ELMOD3: variants seen among roughly 807,000 people sequenced by gnomAD.
ELMOD3 encodes the protein ELMO domain-containing protein 3.
Under a neutral mutation model 47.4 loss-of-function variants are expected in ELMOD3, and 36 were observed. The ratio of observed to expected loss-of-function variants is 0.76; its 90% CI spans 0.58 to 1.00. ELMOD3 has a LOEUF of 1.00. Among genes scored for constraint, ELMOD3 ranks in the 50% least tolerant of loss-of-function variants. The probability of loss-of-function intolerance (pLI) is 0.00; values close to 1 mark genes in which losing one functional copy is unlikely to be tolerated. For missense variants in ELMOD3, 404 were observed against 463.8 expected, an observed-to-expected ratio of 0.87 and a Z score of 1.18; for synonymous variants, 149 against 183.5, an observed-to-expected ratio of 0.81 and a Z score of 1.52.
At chr2:85,378,866 G>A (rs964613680) in intron 11 of ELMOD3, among the ~76,000 whole-genome samples, 6 of 152,110 alleles carry the variant, frequency 3.9e-5, no homozygotes, top group African/African-American at 4.8e-5. Context: ...ATTCCTAGAC[G>A]GATAGGTCCC....
Position 85,390,024 on chromosome 2 carries a change from G to C in ELMOD3, c.816-114G>C, listed in dbSNP as rs935870882. ...TGTCAGGCTCCTGGGGAATGGTGGG[G>C]GCATCCTGGGTTTGGGCTGGCTCCC... On this transcript the variant is annotated intron_variant, in intron 12 of 13. Coordinates refer to ENST00000409013, the MANE Select transcript of ELMOD3 (RefSeq NM_001135022.2). The C allele has an allele frequency of 5.9e-6, 7 of 1,187,498 alleles. No homozygotes were observed. The Admixed American group carries it at 8.4e-5, about 14-fold the overall frequency. 73.6% of individuals were successfully genotyped at this position (1,187,498 alleles called of 1,614,324 possible).
At chr2:85,384,338 CT>C (rs1384792127) in intron 11 of ELMOD3, among the ~76,000 whole-genome samples, 1 of 152,224 alleles carries the variant, frequency 6.6e-6, no homozygotes, top group Non-Finnish European at 1.5e-5. Flanking sequence ...CACAGCTGTG[CT>C]GTTGCTGTTT....
At chr2:85,371,778 A>G in intron 10 of ELMOD3, 6 of 514,808 alleles carry the variant, frequency 1.2e-5, no homozygotes, top group Non-Finnish European at 2.0e-5. Flanking sequence ...TCACGCCTGT[A>G]ATCCCAGCAC....
intron 11 of ELMOD3, among the ~76,000 whole-genome samples, chr2:85,386,486 G>C (rs1180995937): frequency 1.4e-5 from 2 of 145,710 alleles, no homozygotes; most frequent in African/African-American, 5.1e-5. Context: ...CTGAGTTCAA[G>C]CGATTCTTCT....
chr2:85,374,028 A>G (rs973652675), intron 10 of ELMOD3, among the ~76,000 whole-genome samples: 15 of 147,674 alleles, frequency 1.0e-4, no homozygotes, highest in Admixed American at 3.5e-4. Flanking sequence ...GAATGTCTCA[A>G]TTTCCCCTTC....
chr2:85,373,978 G>T (rs1009029415), intron 10 of ELMOD3, among the ~76,000 whole-genome samples: 1 of 139,950 alleles, frequency 7.1e-6, no homozygotes, highest in African/African-American at 2.7e-5. Flanking sequence ...CTTAGGATAG[G>T]TCTGCTGGCT....
rs1684648605 is a variant in ELMOD3 at position 85,369,677 on chromosome 2, A to G, written c.269-62A>G. ...TGGAAGTGACAAGTAGGAGGGCCTC[A>G]GTAAATGTTTGTTGACAGAATGACT... On this transcript the variant is annotated intron_variant, in intron 7 of 13. Coordinates refer to ENST00000409013, the MANE Select transcript of ELMOD3 (RefSeq NM_001135022.2). The G allele has an allele frequency of 2.6e-6, 4 of 1,565,756 alleles. No individual in the cohort carries two copies. In the East Asian group the frequency reaches 9.1e-5, roughly 36 times the overall value.
chr2:85,387,035 C>T, intron 11 of ELMOD3: 1 of 1,269,436 alleles, frequency 7.9e-7, no homozygotes, highest in Non-Finnish European at 1.0e-6. Flanking sequence ...TGGATGAACA[C>T]TAAGTTCAGG....
At chr2:85,369,972 C>T in intron 8 of ELMOD3, 142 bp downstream of exon 8, 1 of 1,033,340 alleles carries the variant, frequency 9.7e-7, no homozygotes, top group Non-Finnish European at 1.4e-6. Flanking sequence ...GCCTAGGACC[C>T]ATGCTTCATT....
At chr2:85,368,078 T>C (rs1467071444) in intron 6 of ELMOD3, among the ~76,000 whole-genome samples, 2 of 152,066 alleles carry the variant, frequency 1.3e-5, no homozygotes, top group East Asian at 3.9e-4. Flanking sequence ...GCCCAGCTAA[T>C]TTTTTGTATT....
At chr2:85,388,172 T>G (rs1686070980) in intron 11 of ELMOD3, among the ~76,000 whole-genome samples, 1 of 151,882 alleles carries the variant, frequency 6.6e-6, no homozygotes, top group South Asian at 2.1e-4. Flanking sequence ...AATTTTTTTG[T>G]AGAGACAGGA....
In ELMOD3 at chr2:85,390,741, C is replaced by A; in HGVS notation, c.944-19C>A. On this transcript the variant is annotated intron_variant, in intron 13 of 13. Transcript: ENST00000409013. Reference sequence around the variant, plus strand: ...AGAGCCCCCTCAAGCCTTCTGCTCCCCAATTCTCTCTGTTGCAGAGTTGGA... The same window carrying A: ...AGAGCCCCCTCAAGCCTTCTGCTCCACAATTCTCTCTGTTGCAGAGTTGGA... 1 of 1,549,676 alleles carries A rather than the reference C, an allele frequency of 6.5e-7. No homozygotes were observed. The highest frequency in any genetic ancestry group is 1.2e-5 in the South Asian group (1 of 83,932).
rs1429395670 is a variant in ELMOD3 at position 85,363,150 on chromosome 2, T to C, written c.183T>C (p.Tyr61=). The C allele has an allele frequency of 6.2e-7, 1 of 1,610,518 alleles. No individual in the cohort carries two copies. Among genetic ancestry groups the C allele is most frequent in the African/African-American group, 1.3e-5 (1 of 74,976 alleles). The change falls in exon 6 of 14, where the codon TAT becomes TAC. Residue 61 remains tyrosine (Y), a synonymous_variant. Transcript: ENST00000409013. ...GILQALTTEA[Y]EWEPRVVSTE... ...TCCAGGCTCTGACCACAGAAGCTTA[T>C]GAATGGGAGCCACGTGGTAAGGTTC...
chr2:85,387,345 T>G, intron 11 of ELMOD3: 83 of 616,488 alleles, frequency 1.3e-4, no homozygotes, highest in Non-Finnish European at 1.6e-4. Flanking sequence ...GGTAGTGGGA[T>G]AAAATGTTAA....
intron 13 of ELMOD3, chr2:85,390,549 T>G (rs1686277313): frequency 6.4e-7 from 1 of 1,569,340 alleles, no homozygotes; most frequent in Non-Finnish European, 8.6e-7. Context: ...AAGTTGCAAT[T>G]GTGCAGACAA....
At chr2:85,374,906 C>T (rs982188214) in intron 10 of ELMOD3, among the ~76,000 whole-genome samples, 4 of 151,844 alleles carry the variant, frequency 2.6e-5, no homozygotes, top group African/African-American at 9.7e-5. Flanking sequence ...GTCAGGAGTT[C>T]GAGTCTAGCC....
intron 6 of ELMOD3, among the ~76,000 whole-genome samples, chr2:85,364,133 AT>A (rs1684176954): frequency 6.7e-6 from 1 of 150,216 alleles, no homozygotes; most frequent in African/African-American, 2.5e-5. Context: ...TTTTAAAAAA[AT>A]ACTCTTTTTT....
chr2:85,360,744 A>G, intron 4 of ELMOD3: 1 of 213,826 alleles, frequency 4.7e-6, no homozygotes, highest in South Asian at 6.2e-5. Flanking sequence ...TGAATATGGT[A>G]ACATAGGAAC....
At chr2:85,369,031 T>C (rs1331380332) in intron 7 of ELMOD3, among the ~76,000 whole-genome samples, 1 of 152,164 alleles carries the variant, frequency 6.6e-6, no homozygotes, top group Non-Finnish European at 1.5e-5. Flanking sequence ...TGACCTTGGT[T>C]AGGGCAGCTT....
Sources: allele counts gnomAD v4.1 joint callset (sites outside exome capture counted in the v4.1 genomes callset), GRCh38; gene constraint gnomAD v4.1.1; transcripts MANE v1.5; gene names NCBI Gene and HGNC (gene_info 2026-07-23, HGNC 2026-07-21).